The following ASIC2 variants were observed in gnomAD, a reference collection of about 807,000 sequenced individuals.
ASIC2 encodes the protein acid-sensing ion channel 2.
Under a neutral mutation model 57.3 loss-of-function variants are expected in ASIC2, and 25 were observed. The observed-to-expected ratio is 0.44, with a 90% CI of 0.32 to 0.61. The LOEUF (loss-of-function observed/expected upper bound fraction) is 0.61. Ranked by LOEUF, ASIC2 falls within the 20% of genes least tolerant of loss-of-function variation. The pLI, the probability that ASIC2 is intolerant of heterozygous loss-of-function variation, is 0.06. For synonymous variants in ASIC2, 319 were observed against 307.5 expected (o/e 1.04, Z -0.39); for missense variants, 641 against 738.1 (o/e 0.87, Z 1.52).
At chr17:33,856,331 CTTACAGTGT>C (rs1252492367) in intron 1 of ASIC2, among the ~76,000 whole-genome samples, 1 of 147,922 alleles carries the variant, frequency 6.8e-6, no homozygotes, top group East Asian at 2.0e-4. Flanking sequence ...ATACAAATAA[CTTACAGTGT>C]TTGTTGTTAC....
Position 34,156,317 on chromosome 17 carries a change from A to G in ASIC2, c.216T>C (p.His72=). ...CCACCACTTCGTCCACCTTAGTGAC[A>G]TGCTGGTAGGAGAAGTAGTAGGACA... The change falls in exon 1 of 10, where the codon CAT becomes CAC. Residue 72 remains histidine (H), a synonymous_variant. Transcript: ENST00000359872. The surrounding 1 kb of genome is among the most constrained non-coding windows in gnomAD (Gnocchi z 4.4). The G allele has an allele frequency of 1.2e-6, 2 of 1,614,220 alleles. No individual in the cohort carries two copies. Among genetic ancestry groups the G allele is most frequent in the Non-Finnish European group, 1.7e-6 (2 of 1,180,042 alleles).
At chr17:34,105,955 G>A (rs1911035531) in intron 1 of ASIC2, among the ~76,000 whole-genome samples, 1 of 151,512 alleles carries the variant, frequency 6.6e-6, no homozygotes, top group African/African-American at 2.4e-5. Flanking sequence ...TTGTAATTTT[G>A]TCATTTAACC....
chr17:33,428,271 T>G (rs1911286111), intron 1 of ASIC2, among the ~76,000 whole-genome samples: 1 of 152,192 alleles, frequency 6.6e-6, no homozygotes, highest in Non-Finnish European at 1.5e-5. Flanking sequence ...ACAAGTCATA[T>G]CCCCAGAAAT....
Position 33,799,352 on chromosome 17 carries a change from C to CTCTT in ASIC2, c.555+356622_555+356625dup, listed in dbSNP as rs543095141. Among the ~76,000 whole-genome samples, 1,165 of 136,110 alleles carry CTCTT rather than the reference C, an allele frequency of 8.6e-3. 11 individuals are homozygous for CTCTT. Among genetic ancestry groups the CTCTT allele is most frequent in the Middle Eastern group, 0.02 (5 of 256 alleles). 89.3% of individuals were successfully genotyped at this position (136,110 alleles called of 152,430 possible). On this transcript the variant is annotated intron_variant, in intron 1 of 9. Transcript: ENST00000359872. ...CCCTCCCTCTCTGTTTCCTCTCTTTCTCTTTCTTTCTTTCTTTCTTTCTTC... is the reference window on the plus strand; with the variant it reads ...CCCTCCCTCTCTGTTTCCTCTCTTTCTCTTTCTTTCTTTCTTTCTTTCTTTCTTC...
chr17:33,161,394 A>G (rs1478261245), intron 1 of ASIC2, among the ~76,000 whole-genome samples: 1 of 152,158 alleles, frequency 6.6e-6, no homozygotes, highest in East Asian at 1.9e-4. Flanking sequence ...TGCCCTTTGC[A>G]TGCATGTCTG....
rs143699191 is a variant in ASIC2 at position 33,182,015 on chromosome 17, G to C, written c.709-69948C>G. Among the ~76,000 whole-genome samples the C allele has an allele frequency of 8.5e-5, 13 of 152,270 alleles. No individual in the cohort carries two copies. The East Asian group carries it at 2.5e-3, about 29-fold the overall frequency. ...TCAAGTGAGATGGGAAAGGGATATG[G>C]GACTTTGAGTGCAGATTGACAGGAT... is the stretch of plus-strand genomic sequence containing the variant. On this transcript the variant is annotated intron_variant, in intron 1 of 9. Transcript: ENST00000225823.
chr17:33,308,709 T>C (rs983484601), intron 1 of ASIC2, among the ~76,000 whole-genome samples: 3 of 152,214 alleles, frequency 2.0e-5, no homozygotes, highest in African/African-American at 7.2e-5. Flanking sequence ...AGATTTAACC[T>C]AGATGACACA....
At chr17:34,145,775 T>A (rs548163266) in intron 1 of ASIC2, among the ~76,000 whole-genome samples, 69 of 152,328 alleles carry the variant, frequency 4.5e-4, no homozygotes, top group Non-Finnish European at 7.8e-4. Context: ...TCGCTCGTGG[T>A]TTCTGTGACA....
chr17:33,603,442 G>A (rs1905156249), intron 1 of ASIC2, among the ~76,000 whole-genome samples: 1 of 152,208 alleles, frequency 6.6e-6, no homozygotes. Context: ...CTGGGAAAAG[G>A]TGCTTTTTGG....
intron 1 of ASIC2, among the ~76,000 whole-genome samples, chr17:33,263,260 C>T (rs893644101): frequency 2.6e-5 from 4 of 152,234 alleles, no homozygotes; most frequent in African/African-American, 9.6e-5. Context: ...CGCTGTCTCT[C>T]TAAGCTGTGA....
chr17:33,178,644 C>T (rs536468625), intron 1 of ASIC2, among the ~76,000 whole-genome samples: 2 of 152,248 alleles, frequency 1.3e-5, no homozygotes, highest in African/African-American at 2.4e-5. Context: ...GTGCAGTGGG[C>T]GTGCTATCTG....
At chr17:33,046,839 C>G (rs1443014163) in intron 3 of ASIC2, among the ~76,000 whole-genome samples, 13 of 152,236 alleles carry the variant, frequency 8.5e-5, no homozygotes, top group Admixed American at 8.5e-4. Flanking sequence ...GCCCAACACT[C>G]CACCAGGGAG....
At position 33,094,070 on chromosome 17, in the gene ASIC2, G is replaced by A. The variant is rs143970390; in HGVS notation, c.860-5080C>T. Among the ~76,000 whole-genome samples the A allele has an allele frequency of 2.2e-4, 34 of 152,294 alleles. No homozygotes were observed. In the East Asian group the frequency reaches 6.6e-3, roughly 29 times the overall value. On this transcript the variant is annotated intron_variant, in intron 2 of 9. Transcript: ENST00000225823. ...ACAGTGCAGCAAGGGCCTTGTGTGG[G>A]TATGGGATAGCTTCTGTTTGCACCC...
intron 1 of ASIC2, among the ~76,000 whole-genome samples, chr17:33,559,440 C>T (rs1467160643): frequency 2.6e-5 from 4 of 152,238 alleles, no homozygotes; most frequent in African/African-American, 9.6e-5. Flanking sequence ...AGAATATTGT[C>T]CCTAAATGAA....
chr17:33,405,223 G>A (rs957999979), intron 1 of ASIC2, among the ~76,000 whole-genome samples: 5 of 152,186 alleles, frequency 3.3e-5, no homozygotes, highest in African/African-American at 1.2e-4. Context: ...CCCCATGGAG[G>A]AGGCAGATAT....
intron 1 of ASIC2, among the ~76,000 whole-genome samples, chr17:34,023,916 T>A (rs191208845): frequency 1.7e-3 from 254 of 152,362 alleles, no homozygotes; most frequent in African/African-American, 5.8e-3. Flanking sequence ...ATACAATGTT[T>A]GTTATAACTT....
At chr17:33,825,847 T>C (rs1409779770) in intron 1 of ASIC2, among the ~76,000 whole-genome samples, 1 of 152,246 alleles carries the variant, frequency 6.6e-6, no homozygotes. Flanking sequence ...AGATGTAGTA[T>C]AGTTCTTAAA....
intron 1 of ASIC2, among the ~76,000 whole-genome samples, chr17:33,573,203 A>T (rs1916506647): frequency 6.6e-6 from 1 of 151,722 alleles, no homozygotes; most frequent in Admixed American, 6.6e-5. Context: ...TTCCCTCAGG[A>T]CTCCTTTCTC....
At chr17:33,027,016 G>T (rs1279963291) in intron 4 of ASIC2, among the ~76,000 whole-genome samples, 1 of 152,178 alleles carries the variant, frequency 6.6e-6, no homozygotes, top group Non-Finnish European at 1.5e-5. Flanking sequence ...CAGGTCAGAA[G>T]TCAGATATAG....
Sources: gnomAD v4.1 joint callset for allele counts (sites outside exome capture counted in the v4.1 genomes callset) on GRCh38, gnomAD v4.1.1 for gene constraint, Gnocchi (gnomAD v3.1) non-coding constraint, MANE v1.5 for transcripts, NCBI Gene and HGNC (gene_info 2026-07-23, HGNC 2026-07-21) for gene names.